PLPP3: variants seen among roughly 807,000 people sequenced by gnomAD.
PLPP3 encodes the protein PAP2 beta.
A neutral mutation model predicts 29.6 loss-of-function variants in PLPP3; 6 were observed. The ratio of observed to expected loss-of-function variants is 0.20; its 90% CI spans 0.11 to 0.40. PLPP3 has a LOEUF of 0.40. Among genes scored for constraint, PLPP3 ranks in the 10% least tolerant of loss-of-function variants. The probability of loss-of-function intolerance (pLI) is 1.00; values close to 1 mark genes in which losing one functional copy is unlikely to be tolerated. For synonymous variants in PLPP3, 152 were observed against 159.7 expected (o/e 0.95, Z 0.36); for missense variants, 308 against 407.7 (o/e 0.76, Z 2.11).
chr1:56,543,760 C>T (rs187835660), intron 1 of PLPP3, among the ~76,000 whole-genome samples: 16 of 152,242 alleles, frequency 1.1e-4, no homozygotes, highest in Non-Finnish European at 2.1e-4. Flanking sequence ...GGTGTGAACA[C>T]GCAATATTCT....
At chr1:56,564,382 T>C (rs1215745016) in intron 1 of PLPP3, among the ~76,000 whole-genome samples, 2 of 149,656 alleles carry the variant, frequency 1.3e-5, no homozygotes, top group African/African-American at 4.9e-5. Flanking sequence ...TTGTTTGCTT[T>C]GAGGGGCTAG....
At position 56,496,489 on chromosome 1, in the gene PLPP3, G is replaced by A. The variant is rs1569857964; in HGVS notation, c.*62C>T. On this transcript the variant is annotated 3_prime_UTR_variant, in exon 6 of 6. Transcript: ENST00000371250. ...CATTCTACTGTCTGATGAGATTGGA[G>A]AGCAGCAAGAACTTGCTGTCAGCAG... 1.9e-6 allele frequency: 3 copies of A among 1,578,490 alleles called. No individual in the cohort carries two copies. Among genetic ancestry groups the A allele is most frequent in the Non-Finnish European group, 2.6e-6 (3 of 1,152,320 alleles).
At chr1:56,522,757 G>A (rs1645827849) in intron 4 of PLPP3, among the ~76,000 whole-genome samples, 1 of 152,202 alleles carries the variant, frequency 6.6e-6, no homozygotes, top group Admixed American at 6.5e-5. Flanking sequence ...AAATCAAAAT[G>A]TTCTTTTTTC....
intron 2 of PLPP3, among the ~76,000 whole-genome samples, chr1:56,525,978 C>T (rs977799338): frequency 1.6e-4 from 24 of 152,150 alleles, no homozygotes; most frequent in Admixed American, 1.4e-3. Flanking sequence ...ACAGGTGCAG[C>T]AGTGAGAACA....
intron 5 of PLPP3, among the ~76,000 whole-genome samples, chr1:56,506,890 T>A (rs1645705866): frequency 6.6e-6 from 1 of 152,240 alleles, no homozygotes; most frequent in Non-Finnish European, 1.5e-5. Flanking sequence ...CTATCTGGGC[T>A]GTGGCCTTCT....
intron 4 of PLPP3, among the ~76,000 whole-genome samples, chr1:56,517,326 C>T (rs545053965): frequency 6.6e-6 from 1 of 152,208 alleles, no homozygotes; most frequent in African/African-American, 2.4e-5. Context: ...ATTGTAGAAT[C>T]TCTCTGGAAT....
At chr1:56,557,776 G>C (rs146982298) in intron 1 of PLPP3, among the ~76,000 whole-genome samples, 4 of 152,216 alleles carry the variant, frequency 2.6e-5, no homozygotes, top group African/African-American at 9.6e-5. Flanking sequence ...ACCAACTTTC[G>C]AGGGTTTTGA....
chr1:56,531,157 C>T (rs185466907), intron 2 of PLPP3, among the ~76,000 whole-genome samples: 1 of 152,118 alleles, frequency 6.6e-6, no homozygotes, highest in Non-Finnish European at 1.5e-5. Context: ...TTGGCATAAG[C>T]CTTAGCCTTA....
intron 1 of PLPP3, among the ~76,000 whole-genome samples, chr1:56,545,433 T>G (rs566214660): frequency 2.0e-5 from 3 of 152,184 alleles, no homozygotes; most frequent in African/African-American, 7.2e-5. Flanking sequence ...CCAAAGCTCA[T>G]GCAAGTAGCC....
chr1:56,509,899 G>A (rs1432898355), intron 5 of PLPP3, among the ~76,000 whole-genome samples: 3 of 151,598 alleles, frequency 2.0e-5, no homozygotes, highest in African/African-American at 4.8e-5. Context: ...CAGAGAGTAG[G>A]TGCTTTGTAA....
At chr1:56,530,613 A>G (rs556969565) in intron 2 of PLPP3, among the ~76,000 whole-genome samples, 3 of 152,264 alleles carry the variant, frequency 2.0e-5, no homozygotes, top group Admixed American at 2.0e-4. Context: ...GGTCTTTTGC[A>G]TCCATCTTTT....
chr1:56,579,182 C>T lies in PLPP3; in HGVS notation c.-166G>A. 1 of 795,752 alleles carries T rather than the reference C, an allele frequency of 1.3e-6. No homozygotes were observed. The highest frequency in any genetic ancestry group is 1.9e-5 in the African/African-American group (1 of 53,752). The allele number at this position is 795,752 out of a possible 1,614,324, so 49.3% of individuals were successfully genotyped here. A position where few individuals can be genotyped will look rare whatever the true frequency, so the allele number is the denominator to read the frequency against. On this transcript the variant is annotated 5_prime_UTR_variant, in exon 1 of 6. Coordinates refer to ENST00000371250, the MANE Select transcript of PLPP3 (RefSeq NM_003713.5). ...GAGTGCAGCCGGGGCTGCCTGCCTCCAACTGCAGAAGGTGGTGTTTTCTGC... is the reference window on the plus strand; with the variant it reads ...GAGTGCAGCCGGGGCTGCCTGCCTCTAACTGCAGAAGGTGGTGTTTTCTGC...
intron 1 of PLPP3, among the ~76,000 whole-genome samples, chr1:56,572,043 GTTTTT>G (rs375576842): frequency 7.1e-5 from 6 of 85,062 alleles, no homozygotes; most frequent in Admixed American, 3.7e-4. Flanking sequence ...ATCATTTCTG[GTTTTT>G]TTTTTTTTTT....
At position 56,499,080 on chromosome 1, in the gene PLPP3, C is replaced by G. The variant is rs61340460; in HGVS notation, c.811-2404G>C. Among the ~76,000 whole-genome samples, 6 of 131,174 alleles carry G rather than the reference C, an allele frequency of 4.6e-5. No homozygotes were observed. The East Asian group carries it at 7.1e-4, about 15-fold the overall frequency. The allele number at this position is 131,174 out of a possible 152,430, so 86.1% of individuals were successfully genotyped here. A position where few individuals can be genotyped will look rare whatever the true frequency, so the allele number is the denominator to read the frequency against. On this transcript the variant is annotated intron_variant, in intron 5 of 5. Coordinates refer to ENST00000371250, the MANE Select transcript of PLPP3 (RefSeq NM_003713.5). ...CTGGGGACAGCTCCCCCGTCCCCCC[C>G]CCCCACCTTCCCCCCTTCAAGATCT...
intron 1 of PLPP3, among the ~76,000 whole-genome samples, chr1:56,547,899 G>C (rs1007918982): frequency 2.0e-5 from 3 of 152,212 alleles, no homozygotes; most frequent in African/African-American, 7.2e-5. Flanking sequence ...TAATTTCTCT[G>C]AGCCTCAACT....
intron 5 of PLPP3, among the ~76,000 whole-genome samples, chr1:56,510,136 T>TG (rs1402582075): frequency 6.6e-6 from 1 of 152,138 alleles, no homozygotes; most frequent in African/African-American, 2.4e-5. Context: ...ATTAGGGCAG[T>TG]GGCGCCAAGA....
intron 1 of PLPP3, among the ~76,000 whole-genome samples, chr1:56,544,450 A>T (rs1645992304): frequency 6.6e-6 from 1 of 152,122 alleles, no homozygotes; most frequent in Non-Finnish European, 1.5e-5. Flanking sequence ...ACTTCCCAAG[A>T]CCTCCTTCCT....
chr1:56,512,021 A>G lies in PLPP3; in HGVS notation c.765T>C (p.Asp255=). 2.5e-6 allele frequency: 4 copies of G among 1,613,318 alleles called. No individual in the cohort carries two copies. Among genetic ancestry groups the G allele is most frequent in the Non-Finnish European group, 3.4e-6 (4 of 1,179,730 alleles). The part of the protein sequence containing the change: ...RVSDHKHHPS[D]VLAGFAQGAL... ...CTCCTTGAGCAAATCCTGCCAGAAC[A>G]TCACTGGGATGGTGCTTGTGGTCTG... is the stretch of plus-strand genomic sequence containing the variant. Residue 255 remains aspartate, a synonymous_variant, in exon 5 of 6, where the codon GAT becomes GAC. Transcript: ENST00000371250.
chr1:56,543,067 A>G (rs1394139819), intron 1 of PLPP3, among the ~76,000 whole-genome samples: 1 of 152,108 alleles, frequency 6.6e-6, no homozygotes, highest in Non-Finnish European at 1.5e-5. Context: ...TCTTACCTAC[A>G]GTACAGAGTT....
Sources: gnomAD v4.1 joint callset for allele counts (sites outside exome capture counted in the v4.1 genomes callset) on GRCh38, gnomAD v4.1.1 for gene constraint, MANE v1.5 for transcripts, NCBI Gene and HGNC (gene_info 2026-07-23, HGNC 2026-07-21) for gene names.